DAB1: variants seen among roughly 807,000 people sequenced by gnomAD.
The protein encoded by DAB1 is DAB adaptor protein 1.
In DAB1, 15 loss-of-function variants were observed where a neutral mutation model predicts 64.6. That is an observed-to-expected ratio of 0.23 (90% CI 0.16 to 0.36). The LOEUF is 0.36. Among genes scored for constraint, DAB1 ranks in the 10% least tolerant of loss-of-function variants. DAB1 has a pLI of 1.00. For missense variants in DAB1, 596 were observed against 706.7 expected, an observed-to-expected ratio of 0.84 and a Z score of 1.78; for synonymous variants, 235 against 251.9, an observed-to-expected ratio of 0.93 and a Z score of 0.64.
In DAB1 at chr1:57,531,472, A is replaced by G. The variant is rs373386741; in HGVS notation, n.625+118120T>C. Among the ~76,000 whole-genome samples the G allele has an allele frequency of 7.2e-5, 11 of 152,288 alleles. No homozygotes were observed. In the South Asian group the frequency reaches 1.0e-3, roughly 14 times the overall value. ...CCTGTTTGGTGGTCTCTTCACAGGG[A>G]CACACATGACAACCAGGACTAGGCA... is the stretch of plus-strand genomic sequence containing the variant. On this transcript the variant is annotated intron_variant and non_coding_transcript_variant, in intron 7 of 20. Coordinates refer to the DAB1 transcript ENST00000485760.
intron 2 of DAB1, among the ~76,000 whole-genome samples, chr1:57,271,890 C>G (rs1414401671): frequency 2.6e-5 from 4 of 152,168 alleles, no homozygotes; most frequent in Admixed American, 6.5e-5. Flanking sequence ...ACCATCAGAG[C>G]TGGGCTGAGC....
intron 5 of DAB1, among the ~76,000 whole-genome samples, chr1:58,090,903 G>C (rs576625906): frequency 6.6e-6 from 1 of 152,194 alleles, no homozygotes; most frequent in Non-Finnish European, 1.5e-5. Flanking sequence ...GGGTGAGTAC[G>C]AGTTCTCTAG....
intron 1 of DAB1, among the ~76,000 whole-genome samples, chr1:58,538,522 G>A (rs1488427504): frequency 6.6e-6 from 1 of 151,980 alleles, no homozygotes; most frequent in Admixed American, 6.6e-5. Context: ...CAAAATGTAA[G>A]AATAACTTTT....
intron 6 of DAB1, among the ~76,000 whole-genome samples, chr1:57,744,105 T>C (rs1648142423): frequency 6.6e-6 from 1 of 152,160 alleles, no homozygotes; most frequent in South Asian, 2.1e-4. Flanking sequence ...TGCAGAGATT[T>C]TGTTTATGGC....
At chr1:57,243,026 T>C (rs1416916188) in intron 2 of DAB1, among the ~76,000 whole-genome samples, 4 of 152,188 alleles carry the variant, frequency 2.6e-5, no homozygotes, top group African/African-American at 7.2e-5. Flanking sequence ...TGAATTGACC[T>C]GAAATGGGTT....
chr1:58,062,764 A>ATTACCC (rs1220216280), intron 5 of DAB1, among the ~76,000 whole-genome samples: 1 of 152,210 alleles, frequency 6.6e-6, no homozygotes, highest in Non-Finnish European at 1.5e-5. Flanking sequence ...CAGCCCTGAG[A>ATTACCC]TGAGTAGATA....
At chr1:57,761,973 C>T (rs1318183459) in intron 6 of DAB1, among the ~76,000 whole-genome samples, 2 of 152,134 alleles carry the variant, frequency 1.3e-5, no homozygotes, top group African/African-American at 4.8e-5. Flanking sequence ...ACCGTGCCCA[C>T]AGAACACTGG....
intron 4 of DAB1, among the ~76,000 whole-genome samples, chr1:58,336,815 C>G (rs1213647): frequency 0.69 from 104,354 of 152,040 alleles, 37,640 homozygotes; most frequent in African/African-American, 0.92. Context: ...TTTACAGATG[C>G]AGCCTTTGAA....
At chr1:57,755,320 G>A (rs1406605032) in intron 6 of DAB1, among the ~76,000 whole-genome samples, 1 of 151,856 alleles carries the variant, frequency 6.6e-6, no homozygotes, top group East Asian at 1.9e-4. Flanking sequence ...CCATGAATAG[G>A]GTATCACACT....
At chr1:57,872,727 T>C (rs560181511) in intron 1 of DAB1, among the ~76,000 whole-genome samples, 1 of 152,174 alleles carries the variant, frequency 6.6e-6, no homozygotes, top group Admixed American at 6.5e-5. Flanking sequence ...AGAGGAAGGA[T>C]TGATTAATTC....
intron 4 of DAB1, among the ~76,000 whole-genome samples, chr1:58,334,603 CATTATATTATATTAT>C (rs55941113): frequency 2.8e-5 from 4 of 140,868 alleles, no homozygotes; most frequent in East Asian, 4.1e-4. Context: ...TATTATATTA[CATTATATTATATTAT>C]ATTATATTAT....
intron 6 of DAB1, among the ~76,000 whole-genome samples, chr1:57,680,486 G>A (rs1449154972): frequency 2.0e-5 from 3 of 152,118 alleles, no homozygotes; most frequent in South Asian, 2.1e-4. Flanking sequence ...TTTGTAGGCC[G>A]CCCAGATTTC....
At chr1:57,921,465 C>T (rs1015122698) in intron 5 of DAB1, among the ~76,000 whole-genome samples, 2 of 152,078 alleles carry the variant, frequency 1.3e-5, no homozygotes, top group African/African-American at 4.8e-5. Context: ...ACATTAAGTT[C>T]CAGGGGAGCA....
At chr1:57,259,549 G>A (rs1185039999) in intron 2 of DAB1, among the ~76,000 whole-genome samples, 3 of 152,126 alleles carry the variant, frequency 2.0e-5, no homozygotes, top group Admixed American at 1.3e-4. Flanking sequence ...GAGGGGCAGC[G>A]CAGGTTCCAG....
intron 3 of DAB1, among the ~76,000 whole-genome samples, chr1:58,442,444 T>C (rs776778164): frequency 7.8e-4 from 119 of 152,072 alleles, no homozygotes; most frequent in Non-Finnish European, 1.0e-3. Context: ...CAAACACACA[T>C]CCACACGTAA....
chr1:57,408,283 A>G (rs115292725), intron 1 of DAB1, among the ~76,000 whole-genome samples: 2,152 of 128,914 alleles, frequency 0.017, 36 homozygotes, highest in African/African-American at 0.051. Context: ...TGCAGACTTT[A>G]TTTTGGATTT....
intron 2 of DAB1, among the ~76,000 whole-genome samples, chr1:57,148,209 C>T (rs1318190246): frequency 6.6e-6 from 1 of 152,122 alleles, no homozygotes; most frequent in Non-Finnish European, 1.5e-5. Context: ...TTTGTCAGGA[C>T]ACAGAACTCT....
chr1:57,070,301 C>G (rs951163976), intron 7 of DAB1, among the ~76,000 whole-genome samples: 4 of 152,222 alleles, frequency 2.6e-5, no homozygotes, highest in African/African-American at 9.6e-5. Flanking sequence ...TTCAATAAGT[C>G]ATTTTTTGGG....
intron 4 of DAB1, among the ~76,000 whole-genome samples, chr1:58,295,694 T>C (rs1661953290): frequency 6.6e-6 from 1 of 152,184 alleles, no homozygotes; most frequent in Admixed American, 6.5e-5. Flanking sequence ...AGGACATGCC[T>C]GGCCTCTGGT....
Sources: gnomAD v4.1 joint callset for allele counts (sites outside exome capture counted in the v4.1 genomes callset) on GRCh38, gnomAD v4.1.1 for gene constraint, MANE v1.5 for transcripts, NCBI Gene and HGNC (gene_info 2026-07-23, HGNC 2026-07-21) for gene names.